SLC25A51: variants seen among roughly 807,000 people sequenced by gnomAD.
SLC25A51 encodes the protein mitochondrial nicotinamide adenine dinucleotide transporter SLC25A51.
In SLC25A51, 11 loss-of-function variants were observed where a neutral mutation model predicts 19.1. The ratio of observed to expected loss-of-function variants is 0.58; its 90% CI spans 0.36 to 0.96. The LOEUF (loss-of-function observed/expected upper bound fraction) is 0.96. Ranked by LOEUF, SLC25A51 falls within the 40% of genes least tolerant of loss-of-function variation. The probability of loss-of-function intolerance (pLI) is 0.01; values close to 1 mark genes in which losing one functional copy is unlikely to be tolerated. For synonymous variants in SLC25A51, 105 were observed against 133.6 expected (o/e 0.79, Z 1.47); for missense variants, 201 against 365.4 (o/e 0.55, Z 3.67).
At chr9:37,900,302 A>G (rs1831819107) in intron 1 of SLC25A51, among the ~76,000 whole-genome samples, 1 of 152,040 alleles carries the variant, frequency 6.6e-6, no homozygotes, top group Non-Finnish European at 1.5e-5. Flanking sequence ...TCCAAAATTT[A>G]GCCAGGCATC....
chr9:37,884,763 T>C (rs920700176), downstream of SLC25A51, among the ~76,000 whole-genome samples: 1 of 152,180 alleles, frequency 6.6e-6, no homozygotes, highest in African/African-American at 2.4e-5. Context: ...ACACACAAAA[T>C]GAAAACTTGT....
chr9:37,885,886 CT>C (rs1415930815), downstream of SLC25A51: 103 of 1,597,564 alleles, frequency 6.4e-5, no homozygotes, highest in African/African-American at 1.0e-3. Context: ...AAACCCCCCC[CT>C]CCCCATATAT....
At chr9:37,877,820 C>T (rs1831281729), downstream of SLC25A51, among the ~76,000 whole-genome samples, 1 of 152,078 alleles carries the variant, frequency 6.6e-6, no homozygotes, top group African/African-American at 2.4e-5. Context: ...CCAGCCTAGG[C>T]AACATGGTGA....
At chr9:37,892,888 C>T (rs2118341379) in intron 2 of SLC25A51, among the ~76,000 whole-genome samples, 2 of 152,172 alleles carry the variant, frequency 1.3e-5, no homozygotes, top group Middle Eastern at 6.8e-3. Context: ...TACAAGTGCG[C>T]ACCACCATGC....
chr9:37,888,491 A>G lies in SLC25A51; in HGVS notation c.60T>C (p.Asp20=). The G allele has an allele frequency of 6.2e-7, 1 of 1,614,216 alleles. No individual in the cohort carries two copies. The highest frequency in any genetic ancestry group is 8.5e-7 in the Non-Finnish European group (1 of 1,180,022). ...RPPILTSSKQ[D]ISPHITNVGE... ...CAACATTTGTAATATGAGGTGATAT[A>G]TCTTGTTTTGAAGATGTTAGTATTG... is the stretch of plus-strand genomic sequence containing the variant. Residue 20 remains aspartate, a synonymous_variant, in exon 3 of 3, where the codon GAT becomes GAC. Coordinates refer to ENST00000242275, the MANE Select transcript of SLC25A51 (RefSeq NM_033412.4).
At chr9:37,897,991 A>G (rs532127300) in intron 2 of SLC25A51, among the ~76,000 whole-genome samples, 6 of 152,264 alleles carry the variant, frequency 3.9e-5, no homozygotes, top group African/African-American at 2.4e-5. Flanking sequence ...ACATAATTTC[A>G]TCTCACAAAT....
rs1436947436 is a variant in SLC25A51, at chr9:37,895,693, T to C, written c.-43+4136A>G. 2.0e-5 allele frequency among the ~76,000 whole-genome samples: 3 copies of C among 152,338 alleles called. No homozygotes were observed. In the East Asian group the frequency reaches 5.8e-4, roughly 29 times the overall value. On this transcript the variant is annotated intron_variant, in intron 2 of 2. Transcript: ENST00000242275. ...GGCAAATAATTTTTCCATGTCTATATCATTTTTATACACTGAAGTTCTTAA... is the reference window on the plus strand; with the variant it reads ...GGCAAATAATTTTTCCATGTCTATACCATTTTTATACACTGAAGTTCTTAA...
chr9:37,901,458 T>A (rs1330254380), intron 1 of SLC25A51, among the ~76,000 whole-genome samples: 5 of 152,232 alleles, frequency 3.3e-5, no homozygotes, highest in Admixed American at 2.0e-4. Context: ...TGTGAGCCAC[T>A]GTGCCTGGCT....
rs1831922420 is a variant in SLC25A51 at position 37,904,105 on chromosome 9, CGG to C, written c.-204_-203del. On this transcript the variant is annotated 5_prime_UTR_variant, in exon 1 of 3. Transcript: ENST00000242275. ...GCGTCCCGCAGGACGGCTAGCGAGC[CGG>C]GGCCCGCGCAGGCGCAGACTGTGAC... The C allele has an allele frequency of 6.6e-6, 1 of 152,326 alleles. No homozygotes were observed. Among genetic ancestry groups the C allele is most frequent in the Non-Finnish European group, 1.5e-5 (1 of 68,134 alleles). 9.4% of individuals were successfully genotyped at this position (152,326 alleles called of 1,614,324 possible). A position where few individuals can be genotyped will look rare whatever the true frequency, so the allele number is the denominator to read the frequency against.
chr9:37,886,121 G>A, downstream of SLC25A51: 1 of 1,456,336 alleles, frequency 6.9e-7, no homozygotes, highest in Non-Finnish European at 9.7e-7. Flanking sequence ...GCGGTACAAA[G>A]TGAGCACATC....
At chr9:37,902,315 A>G (rs1831865633) in intron 1 of SLC25A51, among the ~76,000 whole-genome samples, 1 of 152,232 alleles carries the variant, frequency 6.6e-6, no homozygotes, top group Non-Finnish European at 1.5e-5. Flanking sequence ...GCAGAAAACT[A>G]CAGCTAACAG....
At chr9:37,892,004 A>T (rs1377239906) in intron 2 of SLC25A51, among the ~76,000 whole-genome samples, 1 of 152,054 alleles carries the variant, frequency 6.6e-6, no homozygotes, top group Non-Finnish European at 1.5e-5. Context: ...TGTGTAAGTG[A>T]AGATGTATCC....
chr9:37,879,941 C>T (rs1178954624), exon 4 of SLC25A51: 2 of 152,326 alleles, frequency 1.3e-5, no homozygotes, highest in Admixed American at 1.3e-4. Context: ...GAGGCAAGGG[C>T]TGGATCATCC....
intron 1 of SLC25A51, chr9:37,903,785 C>T (rs2118394846): frequency 6.6e-6 from 1 of 152,360 alleles, no homozygotes; most frequent in Middle Eastern, 3.4e-3. Flanking sequence ...CAGGGCGCGC[C>T]CGAATGAAGG....
At chr9:37,881,889 AG>A (rs948151128) in intron 2 of SLC25A51, among the ~76,000 whole-genome samples, 1 of 152,230 alleles carries the variant, frequency 6.6e-6, no homozygotes, top group Non-Finnish European at 1.5e-5. Context: ...AAGACCAAAA[AG>A]AGTGGGCTTA....
At chr9:37,893,231 T>G (rs55746640) in intron 2 of SLC25A51, among the ~76,000 whole-genome samples, 1 of 152,248 alleles carries the variant, frequency 6.6e-6, no homozygotes, top group Non-Finnish European at 1.5e-5. Flanking sequence ...TTTACTTAAG[T>G]ATGTTACACT....
downstream of SLC25A51, among the ~76,000 whole-genome samples, chr9:37,885,385 T>C (rs1246545538): frequency 6.6e-6 from 1 of 150,650 alleles, no homozygotes; most frequent in African/African-American, 2.5e-5. Flanking sequence ...ATTTTCCTAT[T>C]GGAACCTTTT....
At chr9:37,890,743 T>C (rs1232071294) in intron 2 of SLC25A51, among the ~76,000 whole-genome samples, 2 of 151,344 alleles carry the variant, frequency 1.3e-5, no homozygotes, top group Non-Finnish European at 2.9e-5. Flanking sequence ...TCTGGGGATA[T>C]AACCAAAACA....
At chr9:37,897,762 G>T (rs1047290020) in intron 2 of SLC25A51, among the ~76,000 whole-genome samples, 1 of 152,040 alleles carries the variant, frequency 6.6e-6, no homozygotes, top group Admixed American at 6.6e-5. Context: ...TTTTAAACAG[G>T]AAGTTCTTGT....
Sources: allele counts gnomAD v4.1 joint callset (sites outside exome capture counted in the v4.1 genomes callset), GRCh38; gene constraint gnomAD v4.1.1; transcripts MANE v1.5; gene names NCBI Gene and HGNC (gene_info 2026-07-23, HGNC 2026-07-21).